HPSE2: variants seen among roughly 807,000 people sequenced by gnomAD.
HPSE2 encodes heparanase 2 (inactive), also known as inactive heparanase-2.
HPSE2 carries 38 observed loss-of-function variants against 60.5 expected under a neutral mutation model. The ratio of observed to expected loss-of-function variants is 0.63; its 90% CI spans 0.48 to 0.82. The LOEUF is 0.82. HPSE2 is among the 40% of genes least tolerant of loss of function. The pLI, the probability that HPSE2 is intolerant of heterozygous loss-of-function variation, is 0.00. For missense variants in HPSE2, 713 were observed against 740.4 expected, an observed-to-expected ratio of 0.96 and a Z score of 0.43; for synonymous variants, 295 against 293.2, an observed-to-expected ratio of 1.01 and a Z score of -0.06.
At chr10:99,102,179 T>C (rs531058807) in intron 3 of HPSE2, among the ~76,000 whole-genome samples, 12 of 137,756 alleles carry the variant, frequency 8.7e-5, no homozygotes, top group Admixed American at 2.2e-4. Context: ...TTCAAAAAAT[T>C]AATGAATCCA....
intron 3 of HPSE2, among the ~76,000 whole-genome samples, chr10:98,920,447 C>T (rs942088005): frequency 6.6e-6 from 1 of 152,126 alleles, no homozygotes; most frequent in Non-Finnish European, 1.5e-5. Context: ...CCTCAAAGGA[C>T]CTTAACTGAC....
intron 3 of HPSE2, among the ~76,000 whole-genome samples, chr10:99,003,089 T>C (rs1956812029): frequency 6.6e-6 from 1 of 152,262 alleles, no homozygotes; most frequent in Non-Finnish European, 1.5e-5. Context: ...AGATTCCACA[T>C]ATATACTATG....
chr10:98,813,806 G>A (rs1168645893), intron 3 of HPSE2, among the ~76,000 whole-genome samples: 1 of 151,932 alleles, frequency 6.6e-6, no homozygotes, highest in Admixed American at 6.6e-5. Flanking sequence ...ATATGTTTTT[G>A]CTTTAGTGAA....
chr10:99,093,548 C>T (rs1047608485), intron 3 of HPSE2, among the ~76,000 whole-genome samples: 1 of 152,002 alleles, frequency 6.6e-6, no homozygotes, highest in African/African-American at 2.4e-5. Flanking sequence ...TTGAGGCACC[C>T]GCAGGTTCAG....
chr10:98,967,380 T>C (rs532138792), intron 3 of HPSE2, among the ~76,000 whole-genome samples: 37 of 152,216 alleles, frequency 2.4e-4, no homozygotes, highest in Non-Finnish European at 5.1e-4. Context: ...TTTCTACAGA[T>C]TTACCTAACT....
intron 5 of HPSE2, among the ~76,000 whole-genome samples, chr10:98,701,502 AG>A (rs1422256085): frequency 1.4e-5 from 1 of 72,556 alleles, no homozygotes; most frequent in Non-Finnish European, 2.4e-5. Flanking sequence ...GGGTGGGGGG[AG>A]GGGGGAGGGA....
intron 3 of HPSE2, among the ~76,000 whole-genome samples, chr10:98,918,151 C>T (rs1954175401): frequency 6.6e-6 from 1 of 152,186 alleles, no homozygotes; most frequent in South Asian, 2.1e-4. Context: ...AATAACAAAT[C>T]TATTTACTGA....
intron 3 of HPSE2, among the ~76,000 whole-genome samples, chr10:99,019,991 T>G (rs1184252706): frequency 6.6e-6 from 1 of 151,988 alleles, no homozygotes; most frequent in African/African-American, 2.4e-5. Context: ...GGATTACAGG[T>G]GTGAGCCACC....
chr10:99,179,904 A>G (rs1220552229), intron 2 of HPSE2, among the ~76,000 whole-genome samples: 3 of 152,216 alleles, frequency 2.0e-5, no homozygotes, highest in African/African-American at 7.2e-5. Flanking sequence ...TACTGATATC[A>G]AAACAGATAT....
intron 9 of HPSE2, among the ~76,000 whole-genome samples, chr10:98,500,189 T>C (rs977190704): frequency 3.9e-5 from 6 of 152,148 alleles, no homozygotes; most frequent in Admixed American, 3.3e-4. Context: ...CAGATATATA[T>C]AGAACATTTC....
chr10:99,103,878 TG>T (rs1844125347), intron 3 of HPSE2, among the ~76,000 whole-genome samples: 1 of 152,182 alleles, frequency 6.6e-6, no homozygotes, highest in African/African-American at 2.4e-5. Context: ...GAACAAGAAA[TG>T]GGGAAAGGGT....
chr10:99,028,048 T>C (rs755261115), intron 3 of HPSE2, among the ~76,000 whole-genome samples: 1 of 152,176 alleles, frequency 6.6e-6, no homozygotes, highest in Non-Finnish European at 1.5e-5. Context: ...AGTATCATAC[T>C]GAACAAGAAA....
At chr10:99,036,657 A>G (rs1426052737) in intron 3 of HPSE2, among the ~76,000 whole-genome samples, 1 of 152,216 alleles carries the variant, frequency 6.6e-6, no homozygotes, top group Non-Finnish European at 1.5e-5. Context: ...TTAGAACACC[A>G]CAATAATAAT....
chr10:98,969,395 T>C (rs7897140), intron 3 of HPSE2, among the ~76,000 whole-genome samples: 23,343 of 152,148 alleles, frequency 0.15, 2,710 homozygotes, highest in African/African-American at 0.32. Context: ...CTAGATCAGA[T>C]AGTTAATAGT....
Position 98,654,033 on chromosome 10 carries a change from T to G in HPSE2, c.1005-12093A>C, listed in dbSNP as rs570986768. ...CCACTATTTTCATGCTTGCATTGTTTCTTATGATACTTCAGATCCTTGTTC... is the reference window on the plus strand; with the variant it reads ...CCACTATTTTCATGCTTGCATTGTTGCTTATGATACTTCAGATCCTTGTTC... On this transcript the variant is annotated intron_variant, in intron 6 of 11. Coordinates refer to ENST00000370552, the MANE Select transcript of HPSE2 (RefSeq NM_021828.5). 6.6e-4 allele frequency among the ~76,000 whole-genome samples: 100 copies of G among 152,278 alleles called. No homozygotes were observed. The Middle Eastern group carries it at 0.01, about 16-fold the overall frequency.
intron 3 of HPSE2, among the ~76,000 whole-genome samples, chr10:98,986,162 T>C (rs577994442): frequency 2.4e-4 from 36 of 152,272 alleles, no homozygotes; most frequent in Non-Finnish European, 4.4e-4. Flanking sequence ...TCTACAGAAC[T>C]CTGCACCCCA....
chr10:98,754,139 A>T (rs539409175), intron 3 of HPSE2, among the ~76,000 whole-genome samples: 1 of 152,338 alleles, frequency 6.6e-6, no homozygotes, highest in East Asian at 1.9e-4. Context: ...TGAAAGATGA[A>T]ACAGTCATTT....
the HPSE2 span, among the ~76,000 whole-genome samples, chr10:99,306,307 G>C: frequency 1.3e-5 from 2 of 152,018 alleles, no homozygotes; most frequent in Non-Finnish European, 2.9e-5. Flanking sequence ...ACCCATATCT[G>C]GACAAGCCAA....
intron 9 of HPSE2, among the ~76,000 whole-genome samples, chr10:98,602,978 A>G (rs963788201): frequency 6.6e-6 from 1 of 152,246 alleles, no homozygotes. Context: ...AAAGGACACC[A>G]TCAAGAAAAT....
Sources: gnomAD v4.1 joint callset for allele counts (sites outside exome capture counted in the v4.1 genomes callset) on GRCh38, gnomAD v4.1.1 for gene constraint, MANE v1.5 for transcripts, NCBI Gene and HGNC (gene_info 2026-07-23, HGNC 2026-07-21) for gene names.